The following SPRY3 variants were observed in gnomAD, a reference collection of about 807,000 sequenced individuals.
The protein encoded by SPRY3 is protein sprouty homolog 3.
Under a neutral mutation model 20.2 loss-of-function variants are expected in SPRY3, and 15 were observed. That is an observed-to-expected ratio of 0.74 (90% CI 0.50 to 1.14). The LOEUF (loss-of-function observed/expected upper bound fraction) is 1.14, where lower values mean the gene tolerates loss of function less well. SPRY3 is among the 50% of genes most tolerant of loss of function. The pLI is 0.00. For synonymous variants in SPRY3, 143 were observed against 136.5 expected (o/e 1.05, Z -0.33); for missense variants, 364 against 363.9 (o/e 1.00, Z 0.00).
chrX:155,689,079 T>C (rs1345674234), intron 2 of SPRY3, among the ~76,000 whole-genome samples: 2 of 88,290 alleles, frequency 2.3e-5, no homozygotes, highest in Non-Finnish European at 4.2e-5. Flanking sequence ...TTGTTGATAG[T>C]TTCTTTTGCT....
At chrX:155,684,608 G>A (rs1328006073) in intron 2 of SPRY3, among the ~76,000 whole-genome samples, 4 of 111,247 alleles carry the variant, frequency 3.6e-5, no homozygotes, top group African/African-American at 1.3e-4. Context: ...ACATTTTCTT[G>A]TTTTTGTTTG....
intron 1 of SPRY3, among the ~76,000 whole-genome samples, chrX:155,643,858 T>G (rs2067949765): frequency 8.9e-6 from 1 of 112,322 alleles, no homozygotes; most frequent in Admixed American, 9.4e-5. Context: ...GTTATTATTT[T>G]CCATTGGTTC....
At chrX:155,637,247 A>G (rs1236079008) in intron 1 of SPRY3, among the ~76,000 whole-genome samples, 1 of 111,121 alleles carries the variant, frequency 9.0e-6, no homozygotes, top group African/African-American at 3.3e-5. Context: ...GGTGTATAGA[A>G]GTGAAGATAC....
At chrX:155,772,533 G>A (rs1173809952) in intron 3 of SPRY3, among the ~76,000 whole-genome samples, 1 of 152,070 alleles carries the variant, frequency 6.6e-6, no homozygotes, top group East Asian at 1.9e-4. Context: ...ATTCATGCTA[G>A]TGTTTTGCTA....
chrX:155,725,203 C>T (rs1319887969), intron 2 of SPRY3, among the ~76,000 whole-genome samples: 1 of 152,142 alleles, frequency 6.6e-6, no homozygotes, highest in Non-Finnish European at 1.5e-5. Context: ...TTTTGATGTG[C>T]TGCTAGATTC....
chrX:155,767,118 A>T (rs886455262), intron 2 of SPRY3, among the ~76,000 whole-genome samples: 16 of 152,136 alleles, frequency 1.1e-4, no homozygotes, highest in African/African-American at 3.4e-4. Context: ...GGGACCGGAT[A>T]CAGAGATTCC....
chrX:155,762,592 C>T (rs1569397948), intron 2 of SPRY3, among the ~76,000 whole-genome samples: 1 of 151,962 alleles, frequency 6.6e-6, no homozygotes, highest in Non-Finnish European at 1.5e-5. Flanking sequence ...GATGTCATCT[C>T]AAATAAAAGA....
At chrX:155,719,652 G>A (rs2091043507) in intron 2 of SPRY3, among the ~76,000 whole-genome samples, 1 of 152,032 alleles carries the variant, frequency 6.6e-6, no homozygotes, top group East Asian at 1.9e-4. Context: ...GCAGGATAGG[G>A]CATTGGTCAG....
At chrX:155,709,138 C>T (rs1474698946) in intron 2 of SPRY3, among the ~76,000 whole-genome samples, 1 of 151,642 alleles carries the variant, frequency 6.6e-6, no homozygotes, top group Non-Finnish European at 1.5e-5. Context: ...CATGAGGGTG[C>T]AGATGTCTCT....
intron 2 of SPRY3, among the ~76,000 whole-genome samples, chrX:155,673,183 G>T (rs1318109887): frequency 2.9e-5 from 3 of 104,999 alleles, no homozygotes; most frequent in Admixed American, 2.1e-4. Context: ...CCTGAACATT[G>T]TGCACATGTA....
At chrX:155,706,329 G>A (rs367994708) in intron 2 of SPRY3, among the ~76,000 whole-genome samples, 2 of 151,206 alleles carry the variant, frequency 1.3e-5, no homozygotes, top group East Asian at 3.9e-4. Context: ...AGATGAAAAT[G>A]CCACAGATAA....
At chrX:155,762,370 A>G (rs4893815) in intron 2 of SPRY3, among the ~76,000 whole-genome samples, 18,282 of 152,240 alleles carry the variant, frequency 0.12, 1,146 homozygotes, top group African/African-American at 0.13. Context: ...AAATACCGTA[A>G]GAGAAGTATA....
At chrX:155,715,288 G>A (rs1032609394) in intron 2 of SPRY3, among the ~76,000 whole-genome samples, 1 of 152,066 alleles carries the variant, frequency 6.6e-6, no homozygotes, top group African/African-American at 2.4e-5. Context: ...TAGTCAGCAG[G>A]TGATAAATCC....
chrX:155,716,663 G>A (rs2091024861), intron 2 of SPRY3, among the ~76,000 whole-genome samples: 1 of 151,528 alleles, frequency 6.6e-6, no homozygotes. Context: ...TCTTCCCCGT[G>A]CTGTGTACCC....
chrX:155,727,544 A>G (rs2091106745), intron 2 of SPRY3, among the ~76,000 whole-genome samples: 1 of 151,928 alleles, frequency 6.6e-6, no homozygotes, highest in Admixed American at 6.6e-5. Flanking sequence ...TTATTTCATT[A>G]ATTTTATCTC....
chrX:155,749,150 A>G (rs139111228), intron 2 of SPRY3, among the ~76,000 whole-genome samples: 1 of 151,930 alleles, frequency 6.6e-6, no homozygotes, highest in African/African-American at 2.4e-5. Flanking sequence ...AAGTAATCAG[A>G]GTTCTTAGCT....
chrX:155,769,648 C>T (rs1485741781), intron 3 of SPRY3, among the ~76,000 whole-genome samples: 1 of 152,138 alleles, frequency 6.6e-6, no homozygotes, highest in Non-Finnish European at 1.5e-5. Context: ...CTGTATCATT[C>T]ATCACTAAAA....
intron 2 of SPRY3, among the ~76,000 whole-genome samples, chrX:155,699,201 T>A: frequency 8.9e-6 from 1 of 112,123 alleles, no homozygotes; most frequent in Middle Eastern, 4.6e-3. Context: ...ACTCATAGTT[T>A]TTTTGAACCC....
intron 2 of SPRY3, among the ~76,000 whole-genome samples, chrX:155,723,491 G>A (rs1401818224): frequency 2.0e-5 from 3 of 152,140 alleles, no homozygotes; most frequent in Non-Finnish European, 4.4e-5. Flanking sequence ...GGCGTGAGAT[G>A]GTATCTCATT....
Sources: gnomAD v4.1 joint callset for allele counts (sites outside exome capture counted in the v4.1 genomes callset) on GRCh38, gnomAD v4.1.1 for gene constraint, MANE v1.5 for transcripts, NCBI Gene and HGNC (gene_info 2026-07-23, HGNC 2026-07-21) for gene names.